Variants in FAM13A observed in about 807,000 individuals in gnomAD.
The protein encoded by FAM13A is protein FAM13A.
Under a neutral mutation model 129.6 loss-of-function variants are expected in FAM13A, and 76 were observed. That is an observed-to-expected ratio of 0.59 (90% CI 0.49 to 0.71). The LOEUF is 0.71. FAM13A is among the 30% of genes least tolerant of loss of function. The pLI is 0.00. For missense variants in FAM13A, 1,108 were observed against 1,249.3 expected (o/e 0.89, Z 1.70); for synonymous variants, 443 against 449.9 (o/e 0.98, Z 0.20).
chr4:88,793,467 T>C (rs1030187842), intron 8 of FAM13A, among the ~76,000 whole-genome samples: 1 of 152,026 alleles, frequency 6.6e-6, no homozygotes, highest in African/African-American at 2.4e-5. Context: ...TCCTTTGGAA[T>C]TTCTGGTATA....
At chr4:88,927,697 G>A (rs930212135) in intron 5 of FAM13A, among the ~76,000 whole-genome samples, 1 of 151,838 alleles carries the variant, frequency 6.6e-6, no homozygotes, top group Non-Finnish European at 1.5e-5. Context: ...TGTGGTGTAA[G>A]TTGTTATGTT....
At chr4:88,938,395 G>T (rs1261764634) in intron 4 of FAM13A, among the ~76,000 whole-genome samples, 154 bp from the exon 5 acceptor site, 1 of 152,202 alleles carries the variant, frequency 6.6e-6, no homozygotes, top group Non-Finnish European at 1.5e-5. Context: ...GCATGACATT[G>T]TTGGGGCAAT....
intron 4 of FAM13A, among the ~76,000 whole-genome samples, chr4:88,979,372 T>G (rs1761346991): frequency 6.6e-6 from 1 of 152,202 alleles, no homozygotes; most frequent in Admixed American, 6.5e-5. Context: ...GAAAAATGTA[T>G]GTTCAAGAAT....
intron 13 of FAM13A, among the ~76,000 whole-genome samples, chr4:88,763,491 G>C (rs1745186194): frequency 6.6e-6 from 1 of 152,118 alleles, no homozygotes; most frequent in Non-Finnish European, 1.5e-5. Context: ...ATCTCTCCCG[G>C]GCCCTCAGGT....
Position 89,024,330 on chromosome 4 carries a change from G to C in FAM13A, c.218-3661C>G, listed in dbSNP as rs570972936. 6.6e-5 allele frequency among the ~76,000 whole-genome samples: 10 copies of C among 152,208 alleles called. No homozygotes were observed. The South Asian group carries it at 2.1e-3, about 32-fold the overall frequency. On this transcript the variant is annotated intron_variant, in intron 2 of 23. Coordinates refer to ENST00000264344, the MANE Select transcript of FAM13A (RefSeq NM_014883.4). ...CTATAGTATCTTCATGCCAAACTAA[G>C]AGAAAGAAGCCGTTAACATTGTCAG... is the stretch of plus-strand genomic sequence containing the variant.
At chr4:88,917,720 C>G (rs1281569931) in intron 5 of FAM13A, among the ~76,000 whole-genome samples, 1 of 152,116 alleles carries the variant, frequency 6.6e-6, no homozygotes, top group African/African-American at 2.4e-5. Context: ...TCTTTTTTCT[C>G]TTTATGGTGC....
chr4:88,815,206 A>C (rs1730486280), intron 7 of FAM13A, among the ~76,000 whole-genome samples: 1 of 152,074 alleles, frequency 6.6e-6, no homozygotes, highest in South Asian at 2.1e-4. Flanking sequence ...TGGTCTTTAA[A>C]GGTATTATAA....
intron 6 of FAM13A, among the ~76,000 whole-genome samples, chr4:88,898,918 A>T (rs1049631022): frequency 6.6e-6 from 1 of 152,028 alleles, no homozygotes; most frequent in African/African-American, 2.4e-5. Flanking sequence ...TCCCACTACT[A>T]GGTATCTACC....
intron 6 of FAM13A, among the ~76,000 whole-genome samples, chr4:88,893,821 C>A (rs1463734567): frequency 1.0e-5 from 1 of 95,824 alleles, no homozygotes. Flanking sequence ...AGCGAGACTC[C>A]GTCTCAAAAA....
At chr4:88,756,942 T>C (rs1398730334) in intron 14 of FAM13A, among the ~76,000 whole-genome samples, 1 of 152,040 alleles carries the variant, frequency 6.6e-6, no homozygotes, top group Non-Finnish European at 1.5e-5. Context: ...AACGCAGTAA[T>C]GGCAAAACAA....
At chr4:89,047,139 G>C (rs2670629) in intron 1 of FAM13A, among the ~76,000 whole-genome samples, 91,264 of 151,854 alleles carry the variant, frequency 0.6, 28,079 homozygotes, top group Middle Eastern at 0.7. Context: ...CAGATATTTG[G>C]AATATACTGT....
chr4:88,996,254 T>G (rs996392250), intron 3 of FAM13A, among the ~76,000 whole-genome samples: 1 of 152,168 alleles, frequency 6.6e-6, no homozygotes, highest in Non-Finnish European at 1.5e-5. Flanking sequence ...TGTGAGGGTT[T>G]TGAGCTGTGG....
chr4:89,002,547 GA>G (rs1764402879), intron 3 of FAM13A, among the ~76,000 whole-genome samples: 1 of 152,286 alleles, frequency 6.6e-6, no homozygotes, highest in Admixed American at 6.5e-5. Context: ...CTCAGTAGCT[GA>G]AGAGAAAAAG....
rs556917408 is a variant in FAM13A at position 88,823,581 on chromosome 4, G to C, written c.1008-18529C>G. 2.6e-5 allele frequency among the ~76,000 whole-genome samples: 4 copies of C among 152,272 alleles called. No individual in the cohort carries two copies. The South Asian group carries it at 6.2e-4, about 24-fold the overall frequency. On this transcript the variant is annotated intron_variant, in intron 7 of 23. Transcript: ENST00000264344. Reference sequence around the variant, plus strand: ...GCAAGGATTCCATTTGTCAAGGAAAGACACTGCCCACGAAACTAAAGGTTT... The same window carrying C: ...GCAAGGATTCCATTTGTCAAGGAAACACACTGCCCACGAAACTAAAGGTTT...
At chr4:88,846,280 T>C (rs1433993893) in intron 7 of FAM13A, among the ~76,000 whole-genome samples, 1 of 152,206 alleles carries the variant, frequency 6.6e-6, no homozygotes, top group Non-Finnish European at 1.5e-5. Context: ...TTTTATGAAA[T>C]TTCCAAGATG....
intron 4 of FAM13A, among the ~76,000 whole-genome samples, chr4:88,972,280 A>G (rs952336174): frequency 7.0e-6 from 1 of 143,804 alleles, no homozygotes. Context: ...TGTCTGAAAA[A>G]GTTTCTGCTT....
intron 7 of FAM13A, chr4:88,823,004 T>C: frequency 6.2e-7 from 1 of 1,613,740 alleles, no homozygotes; most frequent in Non-Finnish European, 8.5e-7. Context: ...TCACAAGCCA[T>C]TCTCGTATGT....
chr4:88,908,166 C>G (rs1748469141), intron 5 of FAM13A, among the ~76,000 whole-genome samples: 1 of 152,214 alleles, frequency 6.6e-6, no homozygotes, highest in African/African-American at 2.4e-5. Context: ...TCCAGTCTTA[C>G]CCTTTCCCAC....
chr4:88,788,509 G>T (rs1323545877), intron 9 of FAM13A, among the ~76,000 whole-genome samples: 1 of 152,122 alleles, frequency 6.6e-6, no homozygotes, highest in Non-Finnish European at 1.5e-5. Flanking sequence ...CAATTAAATT[G>T]TGATGTTTAT....
Sources: gnomAD v4.1 joint callset for allele counts (sites outside exome capture counted in the v4.1 genomes callset) on GRCh38, gnomAD v4.1.1 for gene constraint, MANE v1.5 for transcripts, NCBI Gene and HGNC (gene_info 2026-07-23, HGNC 2026-07-21) for gene names.